TUT4: variants seen among roughly 807,000 people sequenced by gnomAD.
The protein encoded by TUT4 is terminal uridylyltransferase 4.
Under a neutral mutation model 192.2 loss-of-function variants are expected in TUT4, and 36 were observed. The observed-to-expected ratio is 0.19, with a 90% CI of 0.14 to 0.25. TUT4 has a LOEUF of 0.25. TUT4 is among the 10% of genes least tolerant of loss of function. TUT4 has a pLI of 1.00. For synonymous variants in TUT4, 618 were observed against 666.0 expected (o/e 0.93, Z 1.11); for missense variants, 1,493 against 1,957.2 (o/e 0.76, Z 4.47).
chr1:52,533,065 G>C (rs1330778859), intron 1 of TUT4, among the ~76,000 whole-genome samples: 3 of 152,084 alleles, frequency 2.0e-5, no homozygotes, highest in African/African-American at 7.2e-5. Context: ...ATTGGGAGTG[G>C]GTTCCAATAT....
chr1:52,509,046 G>A (rs1170462368), intron 4 of TUT4, among the ~76,000 whole-genome samples: 2 of 152,018 alleles, frequency 1.3e-5, no homozygotes, highest in Admixed American at 6.6e-5. Context: ...AATTCATGCT[G>A]CTTTTTGTGT....
intron 16 of TUT4, chr1:52,463,221 A>G (rs1204109990): frequency 1.0e-6 from 1 of 985,334 alleles, no homozygotes; most frequent in Non-Finnish European, 1.2e-6. Flanking sequence ...TACATAGAAG[A>G]TATCTAAAAC....
At chr1:52,536,473 A>G (rs1335532529) in intron 1 of TUT4, among the ~76,000 whole-genome samples, 3 of 152,264 alleles carry the variant, frequency 2.0e-5, no homozygotes, top group South Asian at 2.1e-4. Flanking sequence ...TAAAAAACAT[A>G]TGGAAAAGAA....
At chr1:52,458,525 T>C (rs1661596515) in intron 19 of TUT4, 76 bp from the exon 20 acceptor site, 7 of 1,126,700 alleles carry the variant, frequency 6.2e-6, no homozygotes, top group African/African-American at 1.6e-5. Context: ...TTCTGCCACA[T>C]CATTTTTTTT....
intron 8 of TUT4, among the ~76,000 whole-genome samples, chr1:52,490,040 A>G (rs548760414): frequency 6.6e-6 from 1 of 152,210 alleles, no homozygotes; most frequent in East Asian, 1.9e-4. Context: ...TCAGTCTTCA[A>G]TTTAGGACTG....
intron 28 of TUT4, among the ~76,000 whole-genome samples, chr1:52,429,003 G>A (rs1213357270): frequency 6.6e-6 from 1 of 150,704 alleles, no homozygotes; most frequent in African/African-American, 2.4e-5. Context: ...ATTGATAACT[G>A]TTAAAGTTGG....
chr1:52,442,037 G>A (rs900166127), intron 24 of TUT4, among the ~76,000 whole-genome samples: 1 of 151,822 alleles, frequency 6.6e-6, no homozygotes, highest in African/African-American at 2.4e-5. Flanking sequence ...GCATGGTGGC[G>A]TGCACCTGTA....
At chr1:52,484,523 C>T (rs891948825) in intron 9 of TUT4, among the ~76,000 whole-genome samples, 4 of 152,112 alleles carry the variant, frequency 2.6e-5, no homozygotes, top group Non-Finnish European at 5.9e-5. Context: ...TAAAAGATCT[C>T]CCCATCCCAT....
At chr1:52,546,858 G>A (rs188927222) in intron 1 of TUT4, among the ~76,000 whole-genome samples, 3 of 152,194 alleles carry the variant, frequency 2.0e-5, no homozygotes, top group East Asian at 1.9e-4. Context: ...TAGCCTGGGC[G>A]AGATGGCTCA....
intron 24 of TUT4, among the ~76,000 whole-genome samples, chr1:52,443,806 TGTGAGGTTCCTACTGAAC>T (rs1385854466): frequency 1.3e-5 from 2 of 152,184 alleles, no homozygotes; most frequent in Non-Finnish European, 2.9e-5. Context: ...CATGCAACAC[TGTGAGGTTCCTACTGAAC>T]ATATGCATAT....
chr1:52,476,787 A>T (rs1667202165), intron 12 of TUT4, among the ~76,000 whole-genome samples: 1 of 152,240 alleles, frequency 6.6e-6, no homozygotes, highest in Non-Finnish European at 1.5e-5. Flanking sequence ...GGTTGAACTC[A>T]CAGTAGAGAA....
rs1403127079 is a variant in TUT4 at position 52,466,679 on chromosome 1, TA to T, written c.2965+1501del. Among the ~76,000 whole-genome samples the T allele has an allele frequency of 1.7e-3, 236 of 136,196 alleles. 7 individuals are homozygous for T. The highest frequency in any genetic ancestry group is 3.7e-3 in the Middle Eastern group (1 of 268). 89.3% of individuals were successfully genotyped at this position (136,196 alleles called of 152,430 possible). The stretch of plus-strand genomic sequence containing the variant: ...AAAAAAATATATATATATATATATA[TA>T]TATTTTTGAGACAGAGTTTCGCTCT... On this transcript the variant is annotated intron_variant, in intron 15 of 29. Coordinates refer to ENST00000257177, the MANE Select transcript of TUT4 (RefSeq NM_001009881.3).
chr1:52,474,255 AG>A (rs1395117400), intron 13 of TUT4, among the ~76,000 whole-genome samples: 6 of 152,206 alleles, frequency 3.9e-5, no homozygotes, highest in Non-Finnish European at 1.5e-5. Flanking sequence ...GAAAAGAAAA[AG>A]TAGAAAAGTT....
chr1:52,550,229 A>T (rs1027038245), intron 1 of TUT4, among the ~76,000 whole-genome samples: 1 of 152,194 alleles, frequency 6.6e-6, no homozygotes, highest in Admixed American at 6.5e-5. Context: ...TACCCAGTAA[A>T]CAACTCTAAT....
At chr1:52,525,271 A>T (rs914263372) in intron 2 of TUT4, among the ~76,000 whole-genome samples, 2 of 152,204 alleles carry the variant, frequency 1.3e-5, no homozygotes, top group Non-Finnish European at 2.9e-5. Flanking sequence ...TTTAAACAAG[A>T]GTGTGTATGT....
At chr1:52,484,832 G>C (rs1175369222) in intron 9 of TUT4, among the ~76,000 whole-genome samples, 5 of 152,316 alleles carry the variant, frequency 3.3e-5, no homozygotes, top group African/African-American at 1.2e-4. Flanking sequence ...GACTAACTGT[G>C]CCTTGGAGAG....
intron 1 of TUT4, among the ~76,000 whole-genome samples, chr1:52,549,103 G>A (rs564463468): frequency 3.3e-5 from 5 of 152,232 alleles, no homozygotes; most frequent in African/African-American, 1.2e-4. Context: ...AGAGTGGTAC[G>A]GAAAAGAAGG....
chr1:52,534,195 C>A lies in TUT4; in HGVS notation c.-93-7822G>T, dbSNP rs183181299. Among the ~76,000 whole-genome samples, 7 of 152,162 alleles carry A rather than the reference C, an allele frequency of 4.6e-5. No individual in the cohort carries two copies. The East Asian group carries it at 9.7e-4, about 21-fold the overall frequency. On this transcript the variant is annotated intron_variant, in intron 1 of 29. Transcript: ENST00000257177. ...CCCTCTCCTTCCCATTCTGTTCCAT[C>A]ATACTCTAACATTTACAGGTGTAAG...
intron 1 of TUT4, among the ~76,000 whole-genome samples, chr1:52,550,359 T>C (rs1384762784): frequency 6.6e-6 from 1 of 152,190 alleles, no homozygotes; most frequent in Non-Finnish European, 1.5e-5. Context: ...TCTATCCTAC[T>C]GCAGTGGCTT....
Sources: allele counts gnomAD v4.1 joint callset (sites outside exome capture counted in the v4.1 genomes callset), GRCh38; gene constraint gnomAD v4.1.1; transcripts MANE v1.5; gene names NCBI Gene and HGNC (gene_info 2026-07-23, HGNC 2026-07-21).